The following UBXN11 variants were observed in gnomAD, a reference collection of about 807,000 sequenced individuals.
UBXN11 encodes the protein UBX domain-containing protein 11.
A neutral mutation model predicts 62.8 loss-of-function variants in UBXN11; 47 were observed. The ratio of observed to expected loss-of-function variants is 0.75; its 90% CI spans 0.59 to 0.95. UBXN11 has a LOEUF of 0.95. UBXN11 is among the 40% of genes least tolerant of loss of function. UBXN11 has a pLI of 0.00. For synonymous variants in UBXN11, 294 were observed against 267.0 expected (o/e 1.10, Z -0.99); for missense variants, 638 against 661.7 (o/e 0.96, Z 0.39).
rs2073002580 is a variant in UBXN11, at chr1:26,282,323, A to AGGACAG, written c.1533_1538dup (p.Cys512_Pro513dup). 7.9e-7 allele frequency: 1 copy of AGGACAG among 1,269,254 alleles called. No individual in the cohort carries two copies. Among genetic ancestry groups the AGGACAG allele is most frequent in the Admixed American group, 3.3e-5 (1 of 30,196 alleles). 78.6% of individuals were successfully genotyped at this position (1,269,254 alleles called of 1,614,324 possible). A position where few individuals can be genotyped will look rare whatever the true frequency, so the allele number is the denominator to read the frequency against. Reference sequence around the variant, plus strand: ...TTTATTGGGGGCTGGGACTGGGTCCAGGACAGGGACTGGGGCCGGGACCGG... The same window carrying AGGACAG: ...TTTATTGGGGGCTGGGACTGGGTCCAGGACAGGGACAGGGACTGGGGCCGGGACCGG... On this transcript the variant is annotated inframe_insertion, in exon 15 of 15. Transcript: ENST00000374222.
At chr1:26,285,326 T>A in intron 10 of UBXN11, 138 bp downstream of exon 10, 1 of 1,501,378 alleles carries the variant, frequency 6.7e-7, no homozygotes, top group African/African-American at 1.4e-5. Context: ...TTCAGACTTA[T>A]CCTCCTGGAG....
intron 12 of UBXN11, 29 bp downstream of exon 12, chr1:26,284,113 A>G (rs769817386): frequency 6.4e-7 from 1 of 1,556,364 alleles, no homozygotes; most frequent in East Asian, 2.3e-5. Flanking sequence ...TTCCCCCAGG[A>G]GGGCTGGGGG....
rs767061285 is a variant in UBXN11, at chr1:26,282,475, G to C, written c.1387C>G (p.Pro463Ala). ...GCCCGCAGCAGCAGTGCTGCTTTGG[G>C]CACAAGGCCTGCAGCCTGCAGCGTG... is the stretch of plus-strand genomic sequence containing the variant. ...TLTLQAAGLVPKAALLLRARR... is the reference protein window; with the variant it reads ...TLTLQAAGLVAKAALLLRARR... The change falls in exon 15 of 15, where the codon CCC (proline) becomes GCC (alanine). Residue 463 changes from proline (P) to alanine (A), a missense_variant. By Grantham distance (27) the Pro-to-Ala change is conservative. Coordinates refer to ENST00000374222, the MANE Select transcript of UBXN11 (RefSeq NM_001389556.1). 6.2e-7 allele frequency: 1 copy of C among 1,610,190 alleles called. No individual in the cohort carries two copies. The highest frequency in any genetic ancestry group is 8.5e-7 in the Non-Finnish European group (1 of 1,178,366).
chr1:26,316,845 C>G (rs562675658), intron 1 of UBXN11, among the ~76,000 whole-genome samples: 1 of 151,920 alleles, frequency 6.6e-6, no homozygotes, highest in African/African-American at 2.4e-5. Context: ...CTTAGTCACC[C>G]ACTTGTCCCT....
At position 26,285,916 on chromosome 1, in the gene UBXN11, C is replaced by G; in HGVS notation, c.681G>C (p.Leu227=). Residue 227 remains leucine, a synonymous_variant, in exon 9 of 15, where the codon CTG becomes CTC. Transcript: ENST00000374222. The part of the protein sequence containing the change: ...QVTPVPGGAR[L]RTLEPIPLKL... ...TCAGCGGGATGGGCTCGAGGGTACGCAGCCGTGCCCCGCCGGGCACTGGTG... is the reference window on the plus strand; with the variant it reads ...TCAGCGGGATGGGCTCGAGGGTACGGAGCCGTGCCCCGCCGGGCACTGGTG... 1 of 1,613,702 alleles carries G rather than the reference C, an allele frequency of 6.2e-7. No homozygotes were observed. The highest frequency in any genetic ancestry group is 2.2e-5 in the East Asian group (1 of 44,860).
chr1:26,304,197 T>A (rs565941948), intron 1 of UBXN11, among the ~76,000 whole-genome samples: 4 of 152,308 alleles, frequency 2.6e-5, no homozygotes, highest in Admixed American at 2.6e-4. Context: ...CTGCAGAGTT[T>A]GAGAATCATG....
rs185659723 is a variant in UBXN11, at chr1:26,282,674, C to T, written c.1267G>A (p.Val423Met). ...CTGGCCTGCGCTAGCAGAGCTCGCA[C>T]GTCCCCAATGGTGTTGTCAGGCTGC... Reference protein sequence around the residue: ...MMQPDNTIGDVRALLAQARVM... With the variant: ...MMQPDNTIGDMRALLAQARVM... Residue 423 changes from valine (V) to methionine (M), a missense_variant, in exon 14 of 15, where the codon GTG (valine) becomes ATG (methionine). Coordinates refer to ENST00000374222, the MANE Select transcript of UBXN11 (RefSeq NM_001389556.1). 9.9e-6 allele frequency: 16 copies of T among 1,614,128 alleles called. No homozygotes were observed. The East Asian group carries it at 2.0e-4, about 20-fold the overall frequency.
chr1:26,282,815 C>T lies in UBXN11; in HGVS notation c.1152-26G>A, dbSNP rs748096914. ...CTGCACAGCCCAGAGGCCATCAGCA[C>T]GCGGTGACCCAACGCCCCCAGGCCC... On this transcript the variant is annotated intron_variant, in intron 13 of 14. Transcript: ENST00000374222. The T allele has an allele frequency of 3.1e-6, 5 of 1,613,996 alleles. No homozygotes were observed. In the Admixed American group the frequency reaches 5.0e-5, roughly 16 times the overall value.
In UBXN11 at chr1:26,282,329, G is replaced by GGGACTGGGGCCGGGACCGGGACCA; in HGVS notation, c.1532_1533insTGGTCCCGGTCCCGGCCCCAGTCC (p.Gly504_Pro511dup). On this transcript the variant is annotated inframe_insertion, in exon 15 of 15. Coordinates refer to ENST00000374222, the MANE Select transcript of UBXN11 (RefSeq NM_001389556.1). Reference sequence around the variant, plus strand: ...GGGGGCTGGGACTGGGTCCAGGACAGGGACTGGGGCCGGGACCGGGACCGG... The same window carrying GGGACTGGGGCCGGGACCGGGACCA: ...GGGGGCTGGGACTGGGTCCAGGACAGGGACTGGGGCCGGGACCGGGACCAGGACTGGGGCCGGGACCGGGACCGG... 2.7e-6 allele frequency: 2 copies of GGGACTGGGGCCGGGACCGGGACCA among 748,916 alleles called. No homozygotes were observed. Among genetic ancestry groups the GGGACTGGGGCCGGGACCGGGACCA allele is most frequent in the Admixed American group, 9.8e-5 (2 of 20,384 alleles). 46.4% of individuals were successfully genotyped at this position (748,916 alleles called of 1,614,324 possible).
At chr1:26,308,212 A>T (rs1444594879), upstream of UBXN11, among the ~76,000 whole-genome samples, 1 of 151,312 alleles carries the variant, frequency 6.6e-6, no homozygotes, top group Non-Finnish European at 1.5e-5. Flanking sequence ...GGTTGCGGTG[A>T]GCTGAGATCG....
rs55777309 is a variant in UBXN11, at chr1:26,312,979, C to CAAAAAAAAAA, written c.-149+5058_-149+5067dup. Among the ~76,000 whole-genome samples the CAAAAAAAAAA allele has an allele frequency of 1.6e-3, 78 of 48,132 alleles. 8 individuals carry two copies. Among genetic ancestry groups the CAAAAAAAAAA allele is most frequent in the African/African-American group, 5.9e-3 (64 of 10,894 alleles). 31.6% of individuals were successfully genotyped at this position (48,132 alleles called of 152,430 possible). ...GGGCAACAAGAGCAAAACTCTGTCT[C>CAAAAAAAAAA]AAAAAAAAAAAAAAAAAAAAAAAAA... On this transcript the variant is annotated intron_variant, in intron 1 of 14. Transcript: ENST00000374217.
chr1:26,285,945 C>G lies in UBXN11; in HGVS notation c.652G>C (p.Val218Leu). The change falls in exon 9 of 15, where the codon GTG (valine) becomes CTG (leucine). Residue 218 changes from valine (V) to leucine (L), a missense_variant. Coordinates refer to ENST00000374222, the MANE Select transcript of UBXN11 (RefSeq NM_001389556.1). ...CGTGCCCCGCCGGGCACTGGTGTCA[C>G]TTGGGTGTCACCCTCTACCACCAGC... ...SELVVEGDTQVTPVPGGARLR... is the reference protein window; with the variant it reads ...SELVVEGDTQLTPVPGGARLR... 1.2e-6 allele frequency: 2 copies of G among 1,613,712 alleles called. No individual in the cohort carries two copies. The highest frequency in any genetic ancestry group is 1.7e-6 in the Non-Finnish European group (2 of 1,179,686).
At chr1:26,300,868 C>T (rs1179828352) in intron 4 of UBXN11, 58 bp downstream of exon 4, 13 of 1,612,860 alleles carry the variant, frequency 8.1e-6, no homozygotes, top group Non-Finnish European at 9.3e-6. Context: ...GGCCTTGCCC[C>T]GTCTCTGGGG....
At chr1:26,302,595 A>G (rs766509506) in intron 2 of UBXN11, among the ~76,000 whole-genome samples, 9 of 152,182 alleles carry the variant, frequency 5.9e-5, no homozygotes, top group Non-Finnish European at 1.2e-4. Flanking sequence ...CCACTCCTAC[A>G]GGGCCCATAC....
intron 1 of UBXN11, 27 bp from the exon 2 acceptor site, chr1:26,302,945 T>A: frequency 6.5e-7 from 1 of 1,543,540 alleles, no homozygotes; most frequent in Non-Finnish European, 8.9e-7. Context: ...AGTCAGCCCC[T>A]GGGGACAGAC....
intron 10 of UBXN11, 142 bp downstream of exon 10, chr1:26,285,322 C>T (rs1178940036): frequency 4.0e-6 from 6 of 1,498,792 alleles, no homozygotes; most frequent in Admixed American, 4.3e-5. Flanking sequence ...CGGCTTCAGA[C>T]TTATCCTCCT....
At chr1:26,309,738 T>C (rs2073722726), upstream of UBXN11, among the ~76,000 whole-genome samples, 1 of 152,162 alleles carries the variant, frequency 6.6e-6, no homozygotes, top group African/African-American at 2.4e-5. Context: ...CTGCTCAAGA[T>C]ACTTCACTTG....
At chr1:26,315,256 A>G (rs1280187550) in intron 1 of UBXN11, among the ~76,000 whole-genome samples, 2 of 152,212 alleles carry the variant, frequency 1.3e-5, no homozygotes, top group Non-Finnish European at 2.9e-5. Flanking sequence ...GTATCCTCGC[A>G]TGCATCTCCA....
intron 10 of UBXN11, chr1:26,285,226 GC>G: frequency 7.6e-7 from 1 of 1,309,092 alleles, no homozygotes; most frequent in Non-Finnish European, 9.8e-7. Flanking sequence ...GAAGGCAGGG[GC>G]CCCGCAGCCG....
Sources: allele counts gnomAD v4.1 joint callset (sites outside exome capture counted in the v4.1 genomes callset), GRCh38; gene constraint gnomAD v4.1.1; transcripts MANE v1.5; gene names NCBI Gene and HGNC (gene_info 2026-07-23, HGNC 2026-07-21).